The following CMIP variants were observed in gnomAD, a reference collection of about 807,000 sequenced individuals.
CMIP encodes the protein C-Maf-inducing protein.
In CMIP, 13 loss-of-function variants were observed where a neutral mutation model predicts 97.3. The ratio of observed to expected loss-of-function variants is 0.13; its 90% CI spans 0.09 to 0.21. The LOEUF is 0.21. Ranked by LOEUF, CMIP falls within the 10% of genes least tolerant of loss-of-function variation. The pLI is 1.00. For missense variants in CMIP, 847 were observed against 1,024.9 expected, an observed-to-expected ratio of 0.83 and a Z score of 2.37; for synonymous variants, 538 against 436.3, an observed-to-expected ratio of 1.23 and a Z score of -2.91.
chr16:81,547,387 G>A (rs1295235079), intron 1 of CMIP, among the ~76,000 whole-genome samples: 1 of 152,176 alleles, frequency 6.6e-6, no homozygotes, highest in Non-Finnish European at 1.5e-5. Context: ...CCCCGCTCCA[G>A]GCTCCCTGCT....
chr16:81,662,352 GT>G (rs1447859699), intron 6 of CMIP, among the ~76,000 whole-genome samples: 4 of 152,164 alleles, frequency 2.6e-5, no homozygotes, highest in African/African-American at 9.7e-5. Flanking sequence ...GCCTCACTGT[GT>G]TTCTTACCTC....
At chr16:81,543,771 G>A (rs750286068) in intron 1 of CMIP, among the ~76,000 whole-genome samples, 8 of 152,190 alleles carry the variant, frequency 5.3e-5, no homozygotes, top group Non-Finnish European at 8.8e-5. Context: ...ATTTGGCTCA[G>A]GCAGTCTTTC....
chr16:81,709,662 C>A, intron 20 of CMIP, 84 bp from the exon 21 acceptor site: 1 of 1,498,752 alleles, frequency 6.7e-7, no homozygotes, highest in South Asian at 1.2e-5. Context: ...GACCCCCAGC[C>A]GGCAATGCGG....
chr16:81,545,324 G>A (rs974589028), intron 1 of CMIP, among the ~76,000 whole-genome samples: 4 of 152,198 alleles, frequency 2.6e-5, no homozygotes, highest in Non-Finnish European at 5.9e-5. Context: ...TATCACCAGC[G>A]CCTAGCATGG....
At chr16:81,698,529 A>T (rs1377446793) in intron 14 of CMIP, among the ~76,000 whole-genome samples, 3 of 152,214 alleles carry the variant, frequency 2.0e-5, no homozygotes, top group African/African-American at 7.2e-5. Context: ...ACGTGGTTCC[A>T]GCGGTGCCAG....
intron 1 of CMIP, among the ~76,000 whole-genome samples, chr16:81,544,017 A>C (rs1207765331): frequency 6.6e-6 from 1 of 152,246 alleles, no homozygotes; most frequent in Non-Finnish European, 1.5e-5. Context: ...CTGGCATGAG[A>C]AATCTCCATT....
At chr16:81,515,895 A>C (rs1217470548) in intron 1 of CMIP, among the ~76,000 whole-genome samples, 1 of 152,168 alleles carries the variant, frequency 6.6e-6, no homozygotes, top group Non-Finnish European at 1.5e-5. Context: ...CTCAGTCTCC[A>C]GAGGCCACTC....
At chr16:81,478,576 G>A (rs1908070772) in intron 1 of CMIP, among the ~76,000 whole-genome samples, 2 of 152,140 alleles carry the variant, frequency 1.3e-5, no homozygotes, top group South Asian at 2.1e-4. Context: ...TGCAGGGATG[G>A]TGAATGCACA....
chr16:81,687,370 T>C (rs1428309879), intron 10 of CMIP, among the ~76,000 whole-genome samples: 1 of 152,078 alleles, frequency 6.6e-6, no homozygotes, highest in Admixed American at 6.5e-5. Context: ...CCCCTCACTT[T>C]ATGTGTCACG....
intron 1 of CMIP, among the ~76,000 whole-genome samples, chr16:81,547,419 G>T (rs1049817995): frequency 1.3e-5 from 2 of 152,128 alleles, no homozygotes; most frequent in African/African-American, 4.8e-5. Flanking sequence ...TCAGATAGAG[G>T]GTCTTTGCAG....
chr16:81,452,006 C>T (rs965908751), intron 1 of CMIP, among the ~76,000 whole-genome samples: 11 of 152,184 alleles, frequency 7.2e-5, no homozygotes, highest in Admixed American at 2.0e-4. Context: ...GGTGATGAGA[C>T]GTGCGTGTGG....
intron 1 of CMIP, among the ~76,000 whole-genome samples, chr16:81,601,517 T>C (rs538761126): frequency 2.0e-4 from 31 of 152,102 alleles, no homozygotes; most frequent in Non-Finnish European, 4.0e-4. Flanking sequence ...GGGGTTCACA[T>C]GGGACCCTCA....
intron 3 of CMIP, among the ~76,000 whole-genome samples, chr16:81,634,074 G>C (rs747244791): frequency 1.3e-5 from 2 of 152,280 alleles, no homozygotes; most frequent in Middle Eastern, 6.8e-3. Flanking sequence ...GCATCACCTG[G>C]GAACTCTCTA....
intron 1 of CMIP, among the ~76,000 whole-genome samples, chr16:81,480,373 C>T (rs979969817): frequency 3.2e-4 from 48 of 152,124 alleles, no homozygotes; most frequent in African/African-American, 1.1e-3. Flanking sequence ...AACCCCATCT[C>T]TACTAAAAAT....
intron 1 of CMIP, among the ~76,000 whole-genome samples, chr16:81,573,236 C>T (rs113728675): frequency 0.015 from 2,272 of 151,694 alleles, 52 homozygotes; most frequent in African/African-American, 0.051. Context: ...ACCAACTGTT[C>T]GGGAGGGTGA....
chr16:81,524,497 T>C (rs2090089927), intron 1 of CMIP, among the ~76,000 whole-genome samples: 1 of 152,256 alleles, frequency 6.6e-6, no homozygotes, highest in South Asian at 2.1e-4. Context: ...TGGGGTTATC[T>C]GGAAGTCTTG....
chr16:81,556,732 T>C (rs1207314471), intron 1 of CMIP, among the ~76,000 whole-genome samples: 1 of 152,192 alleles, frequency 6.6e-6, no homozygotes, highest in Non-Finnish European at 1.5e-5. Context: ...TACACTTAAA[T>C]GGTTAAAATG....
At chr16:81,515,498 A>T (rs11861470) in intron 1 of CMIP, among the ~76,000 whole-genome samples, 1 of 151,962 alleles carries the variant, frequency 6.6e-6, no homozygotes, top group Non-Finnish European at 1.5e-5. Context: ...TTGATTTACT[A>T]TTGAGTGCTT....
At chr16:81,558,701 T>G (rs577976968) in intron 1 of CMIP, among the ~76,000 whole-genome samples, 3 of 152,284 alleles carry the variant, frequency 2.0e-5, no homozygotes, top group Admixed American at 1.3e-4. Context: ...CATCTTGGAA[T>G]GAACACAGCT....
Sources: allele counts gnomAD v4.1 joint callset (sites outside exome capture counted in the v4.1 genomes callset), GRCh38; gene constraint gnomAD v4.1.1; transcripts MANE v1.5; gene names NCBI Gene and HGNC (gene_info 2026-07-23, HGNC 2026-07-21).